Variants in CFAP299 observed in about 807,000 individuals in gnomAD.
CFAP299 encodes cilia and flagella associated protein 299.
A neutral mutation model predicts 27.0 loss-of-function variants in CFAP299; 21 were observed. The observed-to-expected ratio is 0.78, with a 90% CI of 0.55 to 1.12. The LOEUF is 1.12. CFAP299 is among the 50% of genes most tolerant of loss of function. The pLI is 0.00. For synonymous variants in CFAP299, 104 were observed against 98.1 expected (o/e 1.06, Z -0.36); for missense variants, 310 against 276.6 (o/e 1.12, Z -0.86).
chr4:80,565,644 G>A (rs1263526848), intron 2 of CFAP299, among the ~76,000 whole-genome samples: 1 of 151,634 alleles, frequency 6.6e-6, no homozygotes, highest in African/African-American at 2.4e-5. Context: ...GTATCTAGCT[G>A]GTATCATACC....
chr4:80,938,426 C>A (rs995019441), intron 4 of CFAP299, among the ~76,000 whole-genome samples: 9 of 152,334 alleles, frequency 5.9e-5, no homozygotes, highest in African/African-American at 2.2e-4. Flanking sequence ...AAGACATGAT[C>A]CTGCTGCAGA....
At chr4:80,374,526 C>G (rs1051067193) in intron 2 of CFAP299, among the ~76,000 whole-genome samples, 9 of 152,092 alleles carry the variant, frequency 5.9e-5, no homozygotes, top group African/African-American at 2.2e-4. Context: ...TCTTCAGGCT[C>G]AGAAGATTTA....
intron 5 of CFAP299, among the ~76,000 whole-genome samples, chr4:80,959,441 G>A (rs1307841558): frequency 2.6e-5 from 4 of 151,576 alleles, no homozygotes; most frequent in Non-Finnish European, 4.4e-5. Context: ...AAATCTGATG[G>A]AAATATTTCC....
intron 3 of CFAP299, among the ~76,000 whole-genome samples, chr4:80,653,838 A>C (rs967731462): frequency 4.6e-5 from 7 of 152,186 alleles, no homozygotes; most frequent in African/African-American, 1.7e-4. Flanking sequence ...TATTCGTGTT[A>C]AACAATAATG....
At chr4:80,922,265 A>G (rs1384693125) in intron 4 of CFAP299, among the ~76,000 whole-genome samples, 1 of 151,998 alleles carries the variant, frequency 6.6e-6, no homozygotes, top group Admixed American at 6.6e-5. Context: ...TATTAATATT[A>G]TTATTTTGTA....
chr4:80,757,981 CTT>C (rs1489390431), intron 3 of CFAP299, among the ~76,000 whole-genome samples: 1 of 152,156 alleles, frequency 6.6e-6, no homozygotes, highest in African/African-American at 2.4e-5. Flanking sequence ...AGGAGCATAA[CTT>C]CGTGCAGGCC....
At chr4:80,656,402 T>C (rs1472470908) in intron 3 of CFAP299, among the ~76,000 whole-genome samples, 1 of 151,616 alleles carries the variant, frequency 6.6e-6, no homozygotes, top group Non-Finnish European at 1.5e-5. Flanking sequence ...CAGACCCCTG[T>C]GTGTGATGTT....
chr4:80,335,436 A>G (rs542789788), upstream of CFAP299, among the ~76,000 whole-genome samples: 2 of 152,310 alleles, frequency 1.3e-5, no homozygotes, highest in African/African-American at 4.8e-5. Context: ...TTAGAATGCA[A>G]TTGGGAGCTA....
intron 3 of CFAP299, among the ~76,000 whole-genome samples, chr4:80,610,790 C>T (rs945960552): frequency 1.3e-5 from 2 of 151,920 alleles, no homozygotes; most frequent in African/African-American, 4.8e-5. Context: ...AGATGGCTAT[C>T]TCAAATCTTG....
At chr4:80,528,192 T>C (rs1433429010) in intron 2 of CFAP299, among the ~76,000 whole-genome samples, 1 of 152,204 alleles carries the variant, frequency 6.6e-6, no homozygotes, top group East Asian at 1.9e-4. Flanking sequence ...TCCATCTTTG[T>C]ATTTAATTCT....
intron 3 of CFAP299, among the ~76,000 whole-genome samples, chr4:80,749,922 G>A (rs1320150110): frequency 6.6e-6 from 1 of 152,172 alleles, no homozygotes; most frequent in Admixed American, 6.6e-5. Context: ...GTCCAGTTAA[G>A]TTGACAATAT....
rs1282821208 is a variant in CFAP299 at position 80,732,062 on chromosome 4, GACACACAGACAC to G, written c.334-137923_334-137912del. Among the ~76,000 whole-genome samples the G allele has an allele frequency of 1.1e-3, 160 of 139,458 alleles. No homozygotes were observed. In the Middle Eastern group the frequency reaches 0.015, roughly 13 times the overall value. 91.5% of individuals were successfully genotyped at this position (139,458 alleles called of 152,430 possible). ...CCCTGCATTCATACACAGACACACAGACACACAGACACACACACACACACACACACACACACA... is the reference window on the plus strand; with the variant it reads ...CCCTGCATTCATACACAGACACACAGACACACACACACACACACACACACA... On this transcript the variant is annotated intron_variant, in intron 3 of 5. Coordinates refer to ENST00000358105, the MANE Select transcript of CFAP299 (RefSeq NM_152770.3).
At chr4:80,538,620 A>G (rs1388888205) in intron 2 of CFAP299, among the ~76,000 whole-genome samples, 1 of 150,814 alleles carries the variant, frequency 6.6e-6, no homozygotes, top group Non-Finnish European at 1.5e-5. Context: ...GTTTAAATAC[A>G]TAGATACTTA....
intron 2 of CFAP299, among the ~76,000 whole-genome samples, chr4:80,378,415 C>A (rs962702590): frequency 3.3e-5 from 5 of 151,240 alleles, no homozygotes; most frequent in African/African-American, 9.7e-5. Context: ...ATTTATTTTT[C>A]ATTCTTTAAT....
intron 3 of CFAP299, among the ~76,000 whole-genome samples, chr4:80,712,444 A>G (rs761241533): frequency 2.1e-4 from 32 of 152,288 alleles, no homozygotes; most frequent in Non-Finnish European, 4.0e-4. Context: ...GACAAAGACT[A>G]ACTAACAATG....
intron 2 of CFAP299, chr4:80,386,650 G>A: frequency 2.5e-6 from 4 of 1,593,684 alleles, no homozygotes; most frequent in African/African-American, 1.3e-5. Context: ...AGCCCGTGTG[G>A]GCGCGCAGGT....
At chr4:80,687,261 C>T (rs184258273) in intron 3 of CFAP299, among the ~76,000 whole-genome samples, 8 of 152,258 alleles carry the variant, frequency 5.3e-5, no homozygotes, top group East Asian at 1.9e-4. Flanking sequence ...TTCACACTCC[C>T]GTGTCACACC....
chr4:80,738,735 T>G (rs1353294884), intron 3 of CFAP299, among the ~76,000 whole-genome samples: 1 of 151,810 alleles, frequency 6.6e-6, no homozygotes. Context: ...GTAAATTCAA[T>G]GTTATTTTTA....
At chr4:80,784,164 T>C (rs1337525603) in intron 3 of CFAP299, among the ~76,000 whole-genome samples, 1 of 152,166 alleles carries the variant, frequency 6.6e-6, no homozygotes, top group African/African-American at 2.4e-5. Flanking sequence ...GCAATGAACA[T>C]GGAAATGCAA....
Sources: gnomAD v4.1 joint callset for allele counts (sites outside exome capture counted in the v4.1 genomes callset) on GRCh38, gnomAD v4.1.1 for gene constraint, MANE v1.5 for transcripts, NCBI Gene and HGNC (gene_info 2026-07-23, HGNC 2026-07-21) for gene names.